DPYD: variants seen among roughly 807,000 people sequenced by gnomAD.
DPYD encodes the protein dihydropyrimidine dehydrogenase [NADP(+)].
A neutral mutation model predicts 116.2 loss-of-function variants in DPYD; 109 were observed. The observed-to-expected ratio is 0.94, with a 90% CI of 0.80 to 1.10. DPYD has a LOEUF of 1.10. Ranked by LOEUF, DPYD falls within the 50% of genes least tolerant of loss-of-function variation. The pLI, the probability that DPYD is intolerant of heterozygous loss-of-function variation, is 0.00. For missense variants in DPYD, 1,302 were observed against 1,254.5 expected (o/e 1.04, Z -0.57); for synonymous variants, 440 against 432.0 (o/e 1.02, Z -0.23).
chr1:97,257,755 C>CA (rs1397746176), intron 18 of DPYD, among the ~76,000 whole-genome samples: 2 of 151,744 alleles, frequency 1.3e-5, no homozygotes, highest in Non-Finnish European at 2.9e-5. Flanking sequence ...TATTGAATGC[C>CA]AGCTATGAAG....
At chr1:97,143,047 G>C (rs1654345461) in intron 20 of DPYD, among the ~76,000 whole-genome samples, 1 of 151,842 alleles carries the variant, frequency 6.6e-6, no homozygotes, top group African/African-American at 2.4e-5. Context: ...TATTATCATA[G>C]CTTTTTTTTC....
chr1:97,079,742 G>A (rs1649022882), intron 22 of DPYD, among the ~76,000 whole-genome samples: 1 of 152,106 alleles, frequency 6.6e-6, no homozygotes, highest in South Asian at 2.1e-4. Flanking sequence ...GGAGAGCCAG[G>A]AAAACTGATG....
At chr1:97,476,136 T>A (rs527913087) in intron 13 of DPYD, among the ~76,000 whole-genome samples, 1 of 152,270 alleles carries the variant, frequency 6.6e-6, no homozygotes, top group African/African-American at 2.4e-5. Context: ...TGGTGCAGAA[T>A]CATCTGGGGA....
At chr1:97,173,181 CATAT>C (rs906485959) in intron 20 of DPYD, among the ~76,000 whole-genome samples, 3 of 149,632 alleles carry the variant, frequency 2.0e-5, no homozygotes, top group African/African-American at 7.4e-5. Context: ...CACATGTATA[CATAT>C]ATATGTGTAT....
intron 14 of DPYD, among the ~76,000 whole-genome samples, chr1:97,407,556 A>G (rs1479648553): frequency 6.6e-6 from 1 of 152,122 alleles, no homozygotes; most frequent in Non-Finnish European, 1.5e-5. Flanking sequence ...AAGCAGCTGG[A>G]TTAATAGAAT....
intron 13 of DPYD, among the ~76,000 whole-genome samples, chr1:97,486,858 T>C (rs1171848582): frequency 6.6e-6 from 1 of 151,830 alleles, no homozygotes; most frequent in Non-Finnish European, 1.5e-5. Flanking sequence ...TAAACATAAA[T>C]ACAGAATTTC....
intron 8 of DPYD, among the ~76,000 whole-genome samples, chr1:97,631,541 GA>G (rs1167872379): frequency 6.6e-6 from 1 of 151,962 alleles, no homozygotes; most frequent in East Asian, 1.9e-4. Flanking sequence ...AAAAGAGTAA[GA>G]GAGCAAATGT....
chr1:97,750,291 T>TA (rs1269053275), intron 3 of DPYD, among the ~76,000 whole-genome samples: 1 of 151,900 alleles, frequency 6.6e-6, no homozygotes, highest in Non-Finnish European at 1.5e-5. Flanking sequence ...TAAAAATTTT[T>TA]AAAAAAGAGG....
intron 8 of DPYD, among the ~76,000 whole-genome samples, chr1:97,642,742 G>GA (rs1658006712): frequency 1.1e-5 from 1 of 91,950 alleles, no homozygotes; most frequent in South Asian, 4.8e-4. Flanking sequence ...GGGGTGGGGG[G>GA]AGGGGGGAGG....
At chr1:97,322,778 A>T (rs530405664) in intron 16 of DPYD, 4 of 151,992 alleles carry the variant, frequency 2.6e-5, no homozygotes, top group African/African-American at 9.7e-5. Context: ...ATGGAAAAAT[A>T]AAAAAGTAAG....
chr1:97,339,466 A>G (rs745699770), intron 16 of DPYD, among the ~76,000 whole-genome samples: 1 of 152,240 alleles, frequency 6.6e-6, no homozygotes, highest in Non-Finnish European at 1.5e-5. Flanking sequence ...AGATTATGCG[A>G]CTATGTTATT....
At chr1:97,611,342 C>T (rs897680702) in intron 8 of DPYD, among the ~76,000 whole-genome samples, 3 of 152,016 alleles carry the variant, frequency 2.0e-5, no homozygotes, top group Non-Finnish European at 2.9e-5. Flanking sequence ...CCTCCCACAA[C>T]ACATGGGAAT....
At chr1:97,136,499 G>C (rs1327888857) in intron 20 of DPYD, among the ~76,000 whole-genome samples, 1 of 151,990 alleles carries the variant, frequency 6.6e-6, no homozygotes, top group Non-Finnish European at 1.5e-5. Context: ...TTTCCTTTTG[G>C]ACACGTAATG....
At chr1:97,116,169 T>G (rs1204910569) in intron 20 of DPYD, among the ~76,000 whole-genome samples, 1 of 152,102 alleles carries the variant, frequency 6.6e-6, no homozygotes, top group African/African-American at 2.4e-5. Context: ...AGATTAAAAG[T>G]TTGTCTTCCC....
At chr1:97,294,771 T>C (rs561996521) in intron 18 of DPYD, among the ~76,000 whole-genome samples, 1 of 152,256 alleles carries the variant, frequency 6.6e-6, no homozygotes, top group Non-Finnish European at 1.5e-5. Flanking sequence ...TCAAGAAAAA[T>C]GCCTGAATGA....
chr1:97,442,350 T>A (rs1557714373), intron 14 of DPYD, among the ~76,000 whole-genome samples: 1 of 149,106 alleles, frequency 6.7e-6, no homozygotes, highest in Non-Finnish European at 1.5e-5. Context: ...AAATCCAGTC[T>A]CCATTTCCAT....
intron 5 of DPYD, 119 bp downstream of exon 5, chr1:97,721,391 G>C (rs1290067461): frequency 8.2e-7 from 1 of 1,212,644 alleles, no homozygotes; most frequent in African/African-American, 1.5e-5. Flanking sequence ...AAACATACTT[G>C]AGCTGTGTGT....
intron 11 of DPYD, among the ~76,000 whole-genome samples, chr1:97,556,519 C>T (rs1340037058): frequency 2.2e-4 from 25 of 114,232 alleles, no homozygotes; most frequent in Non-Finnish European, 4.2e-4. Context: ...CCCCACCCCA[C>T]AACAGTCCCC....
At chr1:97,571,144 A>G (rs1382484434) in intron 11 of DPYD, among the ~76,000 whole-genome samples, 1 of 152,012 alleles carries the variant, frequency 6.6e-6, no homozygotes, top group Non-Finnish European at 1.5e-5. Flanking sequence ...AAATACGATA[A>G]GGAGAGAAAA....
Sources: allele counts gnomAD v4.1 joint callset (sites outside exome capture counted in the v4.1 genomes callset), GRCh38; gene constraint gnomAD v4.1.1; transcripts MANE v1.5; gene names NCBI Gene and HGNC (gene_info 2026-07-23, HGNC 2026-07-21).